EYA4: variants seen among roughly 807,000 people sequenced by gnomAD.
The protein encoded by EYA4 is EYA transcriptional coactivator and phosphatase 4, also known as protein phosphatase EYA4.
In EYA4, 31 loss-of-function variants were observed where a neutral mutation model predicts 87.9. The observed-to-expected ratio is 0.35, with a 90% CI of 0.27 to 0.48. The LOEUF (loss-of-function observed/expected upper bound fraction) is 0.48. EYA4 is among the 20% of genes least tolerant of loss of function. The probability of loss-of-function intolerance (pLI) is 0.99; values close to 1 mark genes in which losing one functional copy is unlikely to be tolerated. For synonymous variants in EYA4, 263 were observed against 270.6 expected, an observed-to-expected ratio of 0.97 and a Z score of 0.28; for missense variants, 678 against 761.4, an observed-to-expected ratio of 0.89 and a Z score of 1.29.
chr6:133,350,184 A>G (rs1161819002), intron 2 of EYA4, among the ~76,000 whole-genome samples: 11 of 152,052 alleles, frequency 7.2e-5, no homozygotes, highest in African/African-American at 2.7e-4. Flanking sequence ...AACAAATAAA[A>G]TTTATTGAGT....
chr6:133,409,739 G>A (rs1450881331), intron 3 of EYA4, among the ~76,000 whole-genome samples: 3 of 152,112 alleles, frequency 2.0e-5, no homozygotes, highest in East Asian at 3.8e-4. Context: ...AGTTATGTAC[G>A]ATGAATAACT....
Position 133,251,205 on chromosome 6 carries a change from G to A in EYA4, c.-66+9456G>A, listed in dbSNP as rs539118850. Among the ~76,000 whole-genome samples the A allele has an allele frequency of 5.9e-5, 9 of 152,208 alleles. No homozygotes were observed. In the South Asian group the frequency reaches 1.7e-3, roughly 28 times the overall value. ...AACTACTTTAAGCAATTATAAGCAC[G>A]TTGTATAATGGTAGTACTTTATAGC... On this transcript the variant is annotated intron_variant, in intron 1 of 19. Transcript: ENST00000355286.
At chr6:133,526,068 A>G in intron 19 of EYA4, 1 of 218,892 alleles carries the variant, frequency 4.6e-6, no homozygotes, top group Non-Finnish European at 7.7e-6. Context: ...AACCAAGGCA[A>G]TTAAAAACCA....
chr6:133,259,004 T>C (rs13190884), intron 1 of EYA4, among the ~76,000 whole-genome samples: 3 of 152,224 alleles, frequency 2.0e-5, no homozygotes, highest in South Asian at 2.1e-4. Flanking sequence ...TTTATTTGGG[T>C]ATAAATGTGA....
At chr6:133,301,096 G>T (rs765587934) in intron 2 of EYA4, among the ~76,000 whole-genome samples, 1 of 152,180 alleles carries the variant, frequency 6.6e-6, no homozygotes, top group African/African-American at 2.4e-5. Flanking sequence ...ATCCATGTGA[G>T]TCACGCTGAT....
chr6:133,349,546 G>A (rs1037907952), intron 2 of EYA4, among the ~76,000 whole-genome samples: 53 of 152,244 alleles, frequency 3.5e-4, no homozygotes, highest in African/African-American at 1.2e-3. Flanking sequence ...TGAAAATGAT[G>A]GCAAGTTAGT....
At chr6:133,446,282 T>C (rs1262462695) in intron 3 of EYA4, among the ~76,000 whole-genome samples, 1 of 152,178 alleles carries the variant, frequency 6.6e-6, no homozygotes, top group African/African-American at 2.4e-5. Context: ...TATGGAATAG[T>C]CATAGGATTA....
chr6:133,361,703 C>T (rs1784465172), intron 2 of EYA4, among the ~76,000 whole-genome samples: 1 of 152,130 alleles, frequency 6.6e-6, no homozygotes, highest in African/African-American at 2.4e-5. Context: ...GAGAGGAATC[C>T]ATGGACATCA....
rs372099200 is a variant in EYA4 at position 133,417,895 on chromosome 6, C to G, written c.84-28735C>G. Among the ~76,000 whole-genome samples, 15 of 152,226 alleles carry G rather than the reference C, an allele frequency of 9.9e-5. No individual in the cohort carries two copies. The East Asian group carries it at 1.5e-3, about 16-fold the overall frequency. Reference sequence around the variant, plus strand: ...TTCCACAGGCGCCCTTTCACTCACCCCAAGCATGTAGGGTCTGAATTTTCT... The same window carrying G: ...TTCCACAGGCGCCCTTTCACTCACCGCAAGCATGTAGGGTCTGAATTTTCT... On this transcript the variant is annotated intron_variant, in intron 3 of 19. Transcript: ENST00000355286.
chr6:133,294,057 ATAT>A lies in EYA4; in HGVS notation c.33+19245_33+19247del, dbSNP rs1562257683. Among the ~76,000 whole-genome samples, 10 of 106,904 alleles carry A rather than the reference ATAT, an allele frequency of 9.4e-5. 2 individuals carry two copies. Among genetic ancestry groups the A allele is most frequent in the Admixed American group, 2.0e-4 (2 of 9,940 alleles). 70.1% of individuals were successfully genotyped at this position (106,904 alleles called of 152,430 possible). A position where few individuals can be genotyped will look rare whatever the true frequency, so the allele number is the denominator to read the frequency against. On this transcript the variant is annotated intron_variant, in intron 2 of 19. Coordinates refer to ENST00000355286, the MANE Select transcript of EYA4 (RefSeq NM_004100.5). ...TATATATATATATATATATATATAT[ATAT>A]ATAATTCTATTCTATATATAACATT...
At chr6:133,328,702 CAA>C (rs1582971811) in intron 2 of EYA4, among the ~76,000 whole-genome samples, 1 of 119,982 alleles carries the variant, frequency 8.3e-6, no homozygotes, top group African/African-American at 2.7e-5. Context: ...CAAATAGATA[CAA>C]ACAAACAAAC....
At chr6:133,347,977 G>A (rs915746385) in intron 2 of EYA4, among the ~76,000 whole-genome samples, 1 of 152,170 alleles carries the variant, frequency 6.6e-6, no homozygotes, top group Non-Finnish European at 1.5e-5. Flanking sequence ...ATAAAGGGGA[G>A]CATATTGGAT....
intron 13 of EYA4, among the ~76,000 whole-genome samples, chr6:133,494,215 A>T (rs1797428458): frequency 6.6e-6 from 1 of 152,214 alleles, no homozygotes; most frequent in Non-Finnish European, 1.5e-5. Context: ...AATGTGGTAC[A>T]TTACACAGTG....
At chr6:133,354,423 G>A (rs1227013905) in intron 2 of EYA4, among the ~76,000 whole-genome samples, 1 of 152,144 alleles carries the variant, frequency 6.6e-6, no homozygotes, top group East Asian at 1.9e-4. Context: ...AATAATAGAG[G>A]AAGAAGATAA....
chr6:133,300,670 A>G (rs1779336167), intron 2 of EYA4, among the ~76,000 whole-genome samples: 1 of 152,090 alleles, frequency 6.6e-6, no homozygotes, highest in Non-Finnish European at 1.5e-5. Flanking sequence ...GTGTGCTACC[A>G]TGCCTGGCTA....
chr6:133,444,695 A>C (rs1342256791), intron 3 of EYA4, among the ~76,000 whole-genome samples: 2 of 152,034 alleles, frequency 1.3e-5, no homozygotes, highest in Non-Finnish European at 2.9e-5. Context: ...GCTCTTGGGC[A>C]CAGTGACCCC....
At chr6:133,362,019 C>T (rs1784483106) in intron 2 of EYA4, among the ~76,000 whole-genome samples, 1 of 152,180 alleles carries the variant, frequency 6.6e-6, no homozygotes, top group Non-Finnish European at 1.5e-5. Context: ...CATGCTCTGG[C>T]ATACAAGGAA....
intron 18 of EYA4, chr6:133,524,887 T>C (rs1013089229): frequency 2.4e-6 from 2 of 822,530 alleles, no homozygotes; most frequent in Admixed American, 3.5e-5. Flanking sequence ...AAATATATGT[T>C]GATTTCATAA....
At chr6:133,334,254 T>C (rs1280324132) in intron 2 of EYA4, among the ~76,000 whole-genome samples, 1 of 152,250 alleles carries the variant, frequency 6.6e-6, no homozygotes, top group Non-Finnish European at 1.5e-5. Flanking sequence ...TTTTAAAGAC[T>C]AAATTGTCTG....
Sources: gnomAD v4.1 joint callset for allele counts (sites outside exome capture counted in the v4.1 genomes callset) on GRCh38, gnomAD v4.1.1 for gene constraint, MANE v1.5 for transcripts, NCBI Gene and HGNC (gene_info 2026-07-23, HGNC 2026-07-21) for gene names.